Variants in RBMS3 observed in about 807,000 individuals in gnomAD.
The protein encoded by RBMS3 is RNA binding motif single stranded interacting protein 3, also known as RNA-binding motif, single-stranded-interacting protein 3.
Under a neutral mutation model 66.8 loss-of-function variants are expected in RBMS3, and 27 were observed. The ratio of observed to expected loss-of-function variants is 0.40; its 90% CI spans 0.30 to 0.56. RBMS3 has a LOEUF of 0.56. RBMS3 is among the 20% of genes least tolerant of loss of function. The probability of loss-of-function intolerance (pLI) is 0.40; values close to 1 mark genes in which losing one functional copy is unlikely to be tolerated. For synonymous variants in RBMS3, 188 were observed against 183.0 expected, an observed-to-expected ratio of 1.03 and a Z score of -0.22; for missense variants, 513 against 549.5, an observed-to-expected ratio of 0.93 and a Z score of 0.66.
At chr3:29,772,630 G>T (rs946023381) in intron 6 of RBMS3, among the ~76,000 whole-genome samples, 3 of 151,946 alleles carry the variant, frequency 2.0e-5, no homozygotes, top group African/African-American at 7.2e-5. Flanking sequence ...TACAGCCGAG[G>T]AGCAGCATAG....
At chr3:29,509,940 A>G (rs1481255015) in intron 3 of RBMS3, among the ~76,000 whole-genome samples, 1 of 152,250 alleles carries the variant, frequency 6.6e-6, no homozygotes, top group Non-Finnish European at 1.5e-5. Context: ...AAAATGATGA[A>G]TGGCTTAACC....
At chr3:29,674,735 TC>T (rs2051159790) in intron 4 of RBMS3, among the ~76,000 whole-genome samples, 1 of 64,120 alleles carries the variant, frequency 1.6e-5, no homozygotes, top group East Asian at 3.9e-4. Context: ...AAACCACTGC[TC>T]CAAAAAAAAA....
At chr3:29,635,893 G>A (rs1457641) in intron 4 of RBMS3, among the ~76,000 whole-genome samples, 11,982 of 151,810 alleles carry the variant, frequency 0.079, 832 homozygotes, top group East Asian at 0.36. Context: ...CCAGGTGGAA[G>A]AATGGAAAAG....
intron 8 of RBMS3, 107 bp downstream of exon 8, chr3:29,884,315 T>A: frequency 9.4e-7 from 1 of 1,060,292 alleles, no homozygotes; most frequent in Non-Finnish European, 1.4e-6. Flanking sequence ...TTTACATCCT[T>A]AAACACAAAG....
At chr3:29,870,040 G>A (rs1396623634) in intron 7 of RBMS3, among the ~76,000 whole-genome samples, 1 of 152,110 alleles carries the variant, frequency 6.6e-6, no homozygotes, top group African/African-American at 2.4e-5. Flanking sequence ...AAAGGTTATA[G>A]TTATGTTCAA....
At chr3:29,938,026 T>C (rs2061310073) in intron 11 of RBMS3, among the ~76,000 whole-genome samples, 1 of 151,906 alleles carries the variant, frequency 6.6e-6, no homozygotes, top group Non-Finnish European at 1.5e-5. Context: ...AGAAACTCTT[T>C]AAAATTTTTA....
At chr3:29,389,597 C>T (rs964584246) in intron 1 of RBMS3, among the ~76,000 whole-genome samples, 9 of 152,164 alleles carry the variant, frequency 5.9e-5, no homozygotes, top group African/African-American at 1.9e-4. Context: ...TCCCATCTGG[C>T]CAAAGTTGAA....
chr3:29,365,047 C>A (rs531036216), intron 1 of RBMS3, among the ~76,000 whole-genome samples: 1 of 151,962 alleles, frequency 6.6e-6, no homozygotes, highest in Non-Finnish European at 1.5e-5. Flanking sequence ...AATGGAATAT[C>A]GTATAAAATT....
chr3:29,393,766 G>A (rs1316572930), intron 1 of RBMS3, among the ~76,000 whole-genome samples: 1 of 151,176 alleles, frequency 6.6e-6, no homozygotes, highest in Non-Finnish European at 1.5e-5. Context: ...GTGACATCAT[G>A]TATTGGCAGG....
chr3:29,497,971 T>C (rs560400645), intron 3 of RBMS3, among the ~76,000 whole-genome samples: 1,678 of 128,296 alleles, frequency 0.013, 22 homozygotes, highest in Middle Eastern at 0.02. Flanking sequence ...CTAAAAGTAT[T>C]CATTTTTTTT....
At chr3:29,766,823 G>A (rs1161519251) in intron 6 of RBMS3, 1 of 151,956 alleles carries the variant, frequency 6.6e-6, no homozygotes, top group African/African-American at 2.4e-5. Flanking sequence ...GCTAGCAGAT[G>A]AGAAGGAGAG....
At chr3:29,309,374 T>A (rs1037803003) in intron 1 of RBMS3, among the ~76,000 whole-genome samples, 1 of 151,768 alleles carries the variant, frequency 6.6e-6, no homozygotes, top group African/African-American at 2.4e-5. Context: ...AAAATAAATA[T>A]TTAGATTTAA....
intron 12 of RBMS3, among the ~76,000 whole-genome samples, chr3:29,985,813 C>G (rs551334612): frequency 4.6e-4 from 70 of 152,224 alleles, no homozygotes; most frequent in Non-Finnish European, 8.2e-4. Flanking sequence ...CCAACTACCC[C>G]CAATGCTTAT....
intron 3 of RBMS3, among the ~76,000 whole-genome samples, chr3:29,566,654 A>T (rs958285280): frequency 6.8e-6 from 1 of 147,068 alleles, no homozygotes; most frequent in African/African-American, 2.5e-5. Context: ...AAAAAAAAAA[A>T]TTAGGGAAAA....
intron 1 of RBMS3, among the ~76,000 whole-genome samples, chr3:29,323,849 T>A (rs926814817): frequency 1.3e-5 from 2 of 152,120 alleles, no homozygotes; most frequent in African/African-American, 2.4e-5. Context: ...ATTTTTGGCA[T>A]GAACTAAGCT....
intron 3 of RBMS3, among the ~76,000 whole-genome samples, chr3:29,558,110 C>A (rs530025602): frequency 4.6e-5 from 7 of 152,168 alleles, no homozygotes; most frequent in African/African-American, 1.4e-4. Context: ...GGGAGTCCAG[C>A]AGAAATTCAA....
At chr3:29,806,971 T>C (rs1576862811) in intron 6 of RBMS3, among the ~76,000 whole-genome samples, 1 of 152,066 alleles carries the variant, frequency 6.6e-6, no homozygotes, top group Non-Finnish European at 1.5e-5. Flanking sequence ...CCTGAACATC[T>C]GTATTTACTT....
Position 29,518,747 on chromosome 3 carries a change from T to A in RBMS3, c.307+30248T>A, listed in dbSNP as rs527516696. ...TTTGCTGAAGGCAGAGGTCTACTTA[T>A]ACACTGTATGTTAATATGTAGCAGA... is the stretch of plus-strand genomic sequence containing the variant. On this transcript the variant is annotated intron_variant, in intron 3 of 14. Transcript: ENST00000383767. 3.3e-5 allele frequency among the ~76,000 whole-genome samples: 5 copies of A among 152,354 alleles called. No individual in the cohort carries two copies. The East Asian group carries it at 9.6e-4, about 29-fold the overall frequency.
Position 29,752,081 on chromosome 3 carries a change from C to T in RBMS3, c.558-10829C>T, listed in dbSNP as rs559995514. On this transcript the variant is annotated intron_variant, in intron 5 of 14. Coordinates refer to ENST00000383767, the MANE Select transcript of RBMS3 (RefSeq NM_001003793.3). Reference sequence around the variant, plus strand: ...GGCATCCAGGAGGAGTGAGGTCACACGAACAATTTGGAGGGTGGTGAATGC... The same window carrying T: ...GGCATCCAGGAGGAGTGAGGTCACATGAACAATTTGGAGGGTGGTGAATGC... Among the ~76,000 whole-genome samples, 26 of 152,242 alleles carry T rather than the reference C, an allele frequency of 1.7e-4. No homozygotes were observed. The South Asian group carries it at 4.6e-3, about 27-fold the overall frequency.
Sources: gnomAD v4.1 joint callset for allele counts (sites outside exome capture counted in the v4.1 genomes callset) on GRCh38, gnomAD v4.1.1 for gene constraint, MANE v1.5 for transcripts, NCBI Gene and HGNC (gene_info 2026-07-23, HGNC 2026-07-21) for gene names.